The following AUTS2 variants were observed in gnomAD, a reference collection of about 807,000 sequenced individuals.
AUTS2 encodes autism susceptibility gene 2 protein.
AUTS2 carries 17 observed loss-of-function variants against 112.4 expected under a neutral mutation model. That is an observed-to-expected ratio of 0.15 (90% CI 0.10 to 0.23). The LOEUF (loss-of-function observed/expected upper bound fraction) is 0.23, where lower values mean the gene tolerates loss of function less well. AUTS2 is among the 10% of genes least tolerant of loss of function. The probability of loss-of-function intolerance (pLI) is 1.00; values close to 1 mark genes in which losing one functional copy is unlikely to be tolerated. For missense variants in AUTS2, 1,510 were observed against 1,701.6 expected, an observed-to-expected ratio of 0.89 and a Z score of 1.98; for synonymous variants, 751 against 702.7, an observed-to-expected ratio of 1.07 and a Z score of -1.09.
intron 5 of AUTS2, among the ~76,000 whole-genome samples, chr7:70,695,378 G>A (rs1236081691): frequency 6.6e-6 from 1 of 152,240 alleles, no homozygotes; most frequent in East Asian, 1.9e-4. Flanking sequence ...TTGAGCTGGG[G>A]GCCCTAGCGT....
intron 4 of AUTS2, among the ~76,000 whole-genome samples, chr7:70,181,013 A>G (rs1056169547): frequency 6.6e-6 from 1 of 152,210 alleles, no homozygotes; most frequent in East Asian, 1.9e-4. Context: ...TTTTTCACAT[A>G]TGCAAATCAA....
At position 70,102,697 on chromosome 7, in the gene AUTS2, G is replaced by A. The variant is rs558462257; in HGVS notation, c.523-15435G>A. Among the ~76,000 whole-genome samples, 5 of 152,062 alleles carry A rather than the reference G, an allele frequency of 3.3e-5. No individual in the cohort carries two copies. The South Asian group carries it at 8.3e-4, about 25-fold the overall frequency. On this transcript the variant is annotated intron_variant, in intron 2 of 18. Coordinates refer to ENST00000342771, the MANE Select transcript of AUTS2 (RefSeq NM_015570.4). The stretch of plus-strand genomic sequence containing the variant: ...TTACAAGTCAGACAGCAATTTCATG[G>A]CACCTGTAGATTTTGAGTAAGAAAT...
chr7:70,790,465 C>T lies in AUTS2; in HGVS notation c.3249C>T (p.Asp1083=), dbSNP rs746435737. The T allele has an allele frequency of 6.2e-7, 1 of 1,612,260 alleles. No homozygotes were observed. The highest frequency in any genetic ancestry group is 8.5e-7 in the Non-Finnish European group (1 of 1,179,104). Residue 1083 remains aspartate, a synonymous_variant, in exon 19 of 19, where the codon GAC becomes GAT. Transcript: ENST00000342771. This position sits in a 1 kb window ranked among gnomAD's most constrained non-coding sequence, Gnocchi z 7.6. ...TGAGGGATCCTTACCGAGAACTTGA[C>T]ATTCACCGGAGAGACCCGCTGGGCA... ...DPLRDPYREL[D]IHRRDPLGRD...
chr7:69,611,244 C>G (rs1314793927), intron 1 of AUTS2, among the ~76,000 whole-genome samples: 1 of 152,092 alleles, frequency 6.6e-6, no homozygotes, highest in East Asian at 1.9e-4. Flanking sequence ...ATATGAGGCC[C>G]CCAGAGGGAG....
At chr7:69,769,569 T>A (rs1041814808) in intron 1 of AUTS2, among the ~76,000 whole-genome samples, 2 of 152,208 alleles carry the variant, frequency 1.3e-5, no homozygotes, top group Non-Finnish European at 2.9e-5. Context: ...ACTTAATTGT[T>A]CCTCAGATTA....
intron 1 of AUTS2, among the ~76,000 whole-genome samples, chr7:69,666,939 C>T (rs528587175): frequency 6.6e-6 from 1 of 152,080 alleles, no homozygotes; most frequent in African/African-American, 2.4e-5. Context: ...ACATGTCTGG[C>T]AAGAAGGAGA....
At chr7:69,912,661 GA>G (rs542499870) in intron 2 of AUTS2, among the ~76,000 whole-genome samples, 155 of 152,254 alleles carry the variant, frequency 1.0e-3, no homozygotes, top group African/African-American at 3.6e-3. Flanking sequence ...CTTTCAAACT[GA>G]GCAGACCCAT....
At chr7:70,279,479 C>T (rs1456512681) in intron 4 of AUTS2, among the ~76,000 whole-genome samples, 1 of 152,184 alleles carries the variant, frequency 6.6e-6, no homozygotes, top group Non-Finnish European at 1.5e-5. Context: ...AATTAAAGAT[C>T]AGATAGATGT....
intron 6 of AUTS2, among the ~76,000 whole-genome samples, chr7:70,729,873 T>TGTAC (rs1164597830): frequency 6.6e-6 from 1 of 151,674 alleles, no homozygotes; most frequent in Non-Finnish European, 1.5e-5. Flanking sequence ...TATGTATGTA[T>TGTAC]GTATGTATGT....
chr7:70,303,210 G>A (rs1437957961), intron 4 of AUTS2, among the ~76,000 whole-genome samples: 1 of 152,052 alleles, frequency 6.6e-6, no homozygotes, highest in Non-Finnish European at 1.5e-5. Context: ...GGGAGGAACG[G>A]CCATCCACAT....
chr7:70,325,629 A>G (rs1195568945), intron 4 of AUTS2, among the ~76,000 whole-genome samples: 2 of 152,214 alleles, frequency 1.3e-5, no homozygotes, highest in Non-Finnish European at 1.5e-5. Flanking sequence ...TTAAACAAGT[A>G]GAACCTGGTC....
chr7:70,254,586 C>T (rs544373058), intron 4 of AUTS2, among the ~76,000 whole-genome samples: 13 of 152,324 alleles, frequency 8.5e-5, no homozygotes, highest in African/African-American at 2.6e-4. Context: ...TCCGTTTGTA[C>T]ATGTTCCAAT....
intron 1 of AUTS2, among the ~76,000 whole-genome samples, chr7:69,718,909 C>T (rs1378785538): frequency 6.6e-6 from 1 of 152,164 alleles, no homozygotes; most frequent in East Asian, 1.9e-4. Flanking sequence ...TGCTTAAAGC[C>T]TCACTCTTCT....
chr7:70,197,407 T>G (rs564654723), intron 4 of AUTS2, among the ~76,000 whole-genome samples: 12 of 149,876 alleles, frequency 8.0e-5, no homozygotes, highest in Admixed American at 6.0e-4. Context: ...AGACGGGTGA[T>G]TTCTGCATTT....
chr7:70,454,801 G>A (rs538232015), intron 5 of AUTS2, among the ~76,000 whole-genome samples: 1 of 152,308 alleles, frequency 6.6e-6, no homozygotes, highest in Admixed American at 6.5e-5. Context: ...ATCACCACCT[G>A]CTGCTGTGCA....
intron 5 of AUTS2, among the ~76,000 whole-genome samples, chr7:70,602,698 T>TA (rs1803537949): frequency 6.6e-6 from 1 of 152,190 alleles, no homozygotes; most frequent in African/African-American, 2.4e-5. Flanking sequence ...GGGTCGTAAT[T>TA]AGAGTATTTG....
At chr7:70,439,816 A>T (rs1796051591) in intron 5 of AUTS2, among the ~76,000 whole-genome samples, 1 of 152,158 alleles carries the variant, frequency 6.6e-6, no homozygotes, top group Admixed American at 6.5e-5. Context: ...GCAGCCCATG[A>T]TGCTAAGAAA....
At chr7:70,503,867 A>G (rs1798864397) in intron 5 of AUTS2, among the ~76,000 whole-genome samples, 1 of 151,222 alleles carries the variant, frequency 6.6e-6, no homozygotes. Context: ...AAGAAAGAAA[A>G]CCGGCCAAAA....
intron 1 of AUTS2, among the ~76,000 whole-genome samples, chr7:69,867,084 G>A (rs184407999): frequency 6.2e-4 from 95 of 152,334 alleles, no homozygotes; most frequent in Admixed American, 2.4e-3. Context: ...GCCTGCTCTG[G>A]TGTGTCTCGT....
Sources: allele counts gnomAD v4.1 joint callset (sites outside exome capture counted in the v4.1 genomes callset), GRCh38; gene constraint gnomAD v4.1.1; non-coding constraint Gnocchi (gnomAD v3.1); transcripts MANE v1.5; gene names NCBI Gene and HGNC (gene_info 2026-07-23, HGNC 2026-07-21).